Variants in TMEM117 observed in about 807,000 individuals in gnomAD.
The protein encoded by TMEM117 is transmembrane protein 117.
Under a neutral mutation model 52.4 loss-of-function variants are expected in TMEM117, and 27 were observed. The ratio of observed to expected loss-of-function variants is 0.51; its 90% CI spans 0.38 to 0.71. TMEM117 has a LOEUF of 0.71. Ranked by LOEUF, TMEM117 falls within the 30% of genes least tolerant of loss-of-function variation. The pLI is 0.00. For missense variants in TMEM117, 556 were observed against 630.5 expected (o/e 0.88, Z 1.26); for synonymous variants, 215 against 206.3 (o/e 1.04, Z -0.36).
Position 44,372,089 on chromosome 12 carries a change from C to G in TMEM117, c.769-4506C>G, listed in dbSNP as rs779057944. ...TAATACCTTGTGCCTAAGTAATTCT[C>G]ACATCACTGAACCACAAATCTGATA... On this transcript the variant is annotated intron_variant, in intron 6 of 7. Transcript: ENST00000266534. Among the ~76,000 whole-genome samples, 64 of 152,130 alleles carry G rather than the reference C, an allele frequency of 4.2e-4. 1 individual carries two copies. The highest frequency in any genetic ancestry group is 7.5e-4 in the Non-Finnish European group (51 of 68,014).
the TMEM117 span, among the ~76,000 whole-genome samples, chr12:43,814,669 T>C: frequency 6.6e-6 from 1 of 152,068 alleles, no homozygotes; most frequent in Non-Finnish European, 1.5e-5. Flanking sequence ...ACCAAGGCTG[T>C]TCTGCTGCAT....
At chr12:43,996,803 G>T (rs1946038722) in intron 3 of TMEM117, among the ~76,000 whole-genome samples, 1 of 152,054 alleles carries the variant, frequency 6.6e-6, no homozygotes, top group Non-Finnish European at 1.5e-5. Context: ...ATCAGAGATG[G>T]GCACTTGACT....
chr12:44,210,599 G>A (rs1176291426), intron 4 of TMEM117, among the ~76,000 whole-genome samples: 1 of 152,152 alleles, frequency 6.6e-6, no homozygotes, highest in East Asian at 1.9e-4. Flanking sequence ...AAGCATATAA[G>A]TAAGTAAAAG....
intron 2 of TMEM117, among the ~76,000 whole-genome samples, chr12:43,860,014 T>TCA (rs1565722392): frequency 6.6e-6 from 1 of 152,312 alleles, no homozygotes; most frequent in East Asian, 1.9e-4. Flanking sequence ...GGTGTTAATG[T>TCA]CATTGAGTTT....
intron 2 of TMEM117, among the ~76,000 whole-genome samples, chr12:43,925,191 C>T (rs1944759040): frequency 6.6e-6 from 1 of 152,074 alleles, no homozygotes; most frequent in Non-Finnish European, 1.5e-5. Flanking sequence ...CAACCATATT[C>T]TGTTGGTCAC....
At chr12:44,283,395 G>A (rs146975921) in intron 5 of TMEM117, among the ~76,000 whole-genome samples, 6 of 152,222 alleles carry the variant, frequency 3.9e-5, no homozygotes, top group South Asian at 2.1e-4. Flanking sequence ...TCACAGGGGC[G>A]GAGCTGCCCA....
intron 6 of TMEM117, among the ~76,000 whole-genome samples, chr12:44,365,552 G>A (rs1276479027): frequency 6.6e-6 from 1 of 152,028 alleles, no homozygotes; most frequent in Non-Finnish European, 1.5e-5. Flanking sequence ...CATTGGACAA[G>A]CTATTTAACT....
At chr12:43,797,575 A>G in the TMEM117 span, 1 of 1,410,818 alleles carries the variant, frequency 7.1e-7, no homozygotes, top group Non-Finnish European at 9.5e-7. Flanking sequence ...ACTTTTTCAC[A>G]ATGAACATTT....
In TMEM117 at chr12:44,051,616, G is replaced by C. The variant is rs538627409; in HGVS notation, c.411-91909G>C. On this transcript the variant is annotated intron_variant, in intron 3 of 7. Transcript: ENST00000266534. ...AAAGGCATCTATTTAAATTAGCCATGATCAAATTATATGACAGTGGAAATC... is the reference window on the plus strand; with the variant it reads ...AAAGGCATCTATTTAAATTAGCCATCATCAAATTATATGACAGTGGAAATC... Among the ~76,000 whole-genome samples, 10 of 152,258 alleles carry C rather than the reference G, an allele frequency of 6.6e-5. No individual in the cohort carries two copies. In the East Asian group the frequency reaches 1.9e-3, roughly 29 times the overall value.
intron 3 of TMEM117, among the ~76,000 whole-genome samples, chr12:44,123,998 G>A (rs1948281030): frequency 6.6e-6 from 1 of 151,962 alleles, no homozygotes; most frequent in Non-Finnish European, 1.5e-5. Flanking sequence ...TGGGCAGTAT[G>A]GCCATTTTAA....
chr12:44,090,167 C>G (rs1947638623), intron 3 of TMEM117, among the ~76,000 whole-genome samples: 1 of 152,024 alleles, frequency 6.6e-6, no homozygotes, highest in Non-Finnish European at 1.5e-5. Flanking sequence ...ATTTAACCAC[C>G]TTTAAACAAT....
the TMEM117 span, among the ~76,000 whole-genome samples, chr12:43,822,902 G>GAA: frequency 1.6e-5 from 2 of 128,592 alleles, no homozygotes; most frequent in Admixed American, 7.8e-5. Context: ...ACCCTGTCTC[G>GAA]AAAAAAAAAA....
At chr12:44,285,440 G>A (rs753832753) in intron 5 of TMEM117, among the ~76,000 whole-genome samples, 1 of 152,186 alleles carries the variant, frequency 6.6e-6, no homozygotes, top group Non-Finnish European at 1.5e-5. Context: ...CTTAACAAAT[G>A]TGTTCAGATT....
chr12:43,830,444 T>A, the TMEM117 span, among the ~76,000 whole-genome samples: 1 of 151,324 alleles, frequency 6.6e-6, no homozygotes. Context: ...CCGTCTCTAC[T>A]AAAAATACAA....
chr12:44,028,070 G>C (rs1946572514), intron 3 of TMEM117, among the ~76,000 whole-genome samples: 1 of 152,210 alleles, frequency 6.6e-6, no homozygotes, highest in Non-Finnish European at 1.5e-5. Context: ...ATGGGCACCT[G>C]TAGTCCCAGC....
At chr12:43,928,202 T>C (rs1053838457) in intron 2 of TMEM117, among the ~76,000 whole-genome samples, 3 of 152,138 alleles carry the variant, frequency 2.0e-5, no homozygotes, top group African/African-American at 7.2e-5. Flanking sequence ...TTAACTGTAA[T>C]CAACCTCTTC....
chr12:43,961,699 G>A (rs1391037084), intron 3 of TMEM117, among the ~76,000 whole-genome samples: 1 of 152,114 alleles, frequency 6.6e-6, no homozygotes, highest in Non-Finnish European at 1.5e-5. Flanking sequence ...GATAGCATGG[G>A]AATTAATAAC....
chr12:44,312,726 A>G (rs77157352), intron 6 of TMEM117, among the ~76,000 whole-genome samples: 7,304 of 152,278 alleles, frequency 0.048, 359 homozygotes, highest in African/African-American at 0.12. Context: ...TTACATTCCT[A>G]CCGTCAGTAC....
At chr12:44,147,213 A>T (rs1405808659) in intron 4 of TMEM117, among the ~76,000 whole-genome samples, 1 of 152,192 alleles carries the variant, frequency 6.6e-6, no homozygotes, top group East Asian at 1.9e-4. Flanking sequence ...ATCAGAGAAA[A>T]GCGCTGTCAT....
Sources: allele counts gnomAD v4.1 joint callset (sites outside exome capture counted in the v4.1 genomes callset), GRCh38; gene constraint gnomAD v4.1.1; transcripts MANE v1.5; gene names NCBI Gene and HGNC (gene_info 2026-07-23, HGNC 2026-07-21).